CEP112: variants seen among roughly 807,000 people sequenced by gnomAD.
CEP112 encodes the protein centrosomal protein 112.
Under a neutral mutation model 153.0 loss-of-function variants are expected in CEP112, and 127 were observed. The ratio of observed to expected loss-of-function variants is 0.83; its 90% CI spans 0.72 to 0.96. The LOEUF is 0.96. Ranked by LOEUF, CEP112 falls within the 40% of genes least tolerant of loss-of-function variation. The pLI is 0.00. For synonymous variants in CEP112, 358 were observed against 374.4 expected (o/e 0.96, Z 0.51); for missense variants, 1,089 against 1,101.2 (o/e 0.99, Z 0.16).
chr17:65,706,056 G>A (rs2048897589), intron 23 of CEP112, among the ~76,000 whole-genome samples: 1 of 152,198 alleles, frequency 6.6e-6, no homozygotes, highest in South Asian at 2.1e-4. Context: ...GTTACTGAAG[G>A]TGGGTGACAA....
At chr17:65,787,871 T>C (rs1002997861) in intron 21 of CEP112, among the ~76,000 whole-genome samples, 2 of 152,202 alleles carry the variant, frequency 1.3e-5, no homozygotes, top group Admixed American at 6.5e-5. Context: ...GTGAATAATA[T>C]CAGGTTGCTT....
intron 18 of CEP112, among the ~76,000 whole-genome samples, chr17:65,937,674 T>C (rs1599076807): frequency 1.1e-5 from 1 of 94,090 alleles, no homozygotes; most frequent in Non-Finnish European, 2.1e-5. Context: ...GGGGCGCCTC[T>C]GCCCGGCCGC....
At chr17:65,736,324 G>GC (rs1754957814) in intron 23 of CEP112, among the ~76,000 whole-genome samples, 1 of 152,142 alleles carries the variant, frequency 6.6e-6, no homozygotes, top group Admixed American at 6.6e-5. Context: ...AGAAGAGCAG[G>GC]CTGGGGCTGG....
At chr17:65,856,657 C>T (rs565722612) in intron 20 of CEP112, among the ~76,000 whole-genome samples, 5 of 152,202 alleles carry the variant, frequency 3.3e-5, no homozygotes, top group Non-Finnish European at 5.9e-5. Flanking sequence ...GGATATATTG[C>T]ATAGTGGTAA....
At chr17:65,661,752 A>C (rs1242827663) in intron 24 of CEP112, 1 of 152,156 alleles carries the variant, frequency 6.6e-6, no homozygotes, top group Non-Finnish European at 1.5e-5. Context: ...TGTAGGCTGG[A>C]GTTTGCATGA....
At chr17:66,059,795 G>T (rs1889560868) in intron 11 of CEP112, among the ~76,000 whole-genome samples, 1 of 151,986 alleles carries the variant, frequency 6.6e-6, no homozygotes, top group Admixed American at 6.6e-5. Context: ...CCCATTACTG[G>T]GTATATACCC....
intron 24 of CEP112, among the ~76,000 whole-genome samples, chr17:65,674,134 G>C (rs1227440894): frequency 6.6e-6 from 1 of 152,160 alleles, no homozygotes; most frequent in Non-Finnish European, 1.5e-5. Flanking sequence ...GCCTCCCAAA[G>C]TGCTGGGATT....
At chr17:65,785,406 T>C (rs911392722) in intron 21 of CEP112, among the ~76,000 whole-genome samples, 15 of 152,230 alleles carry the variant, frequency 9.9e-5, no homozygotes, top group African/African-American at 3.6e-4. Flanking sequence ...TTTTCCAAAA[T>C]GACTGCACCA....
At chr17:66,116,863 C>CT (rs35885142) in intron 6 of CEP112, among the ~76,000 whole-genome samples, 42,404 of 119,154 alleles carry the variant, frequency 0.36, 9,451 homozygotes, top group East Asian at 0.85. Flanking sequence ...CTCCAATCTC[C>CT]TTTTTTTTTT....
rs62065697 is a variant in CEP112 at position 65,642,025 on chromosome 17, C to T, written c.2698-960G>A. The stretch of plus-strand genomic sequence containing the variant: ...TTGGTGGCTCATCCCATTCATCTCT[C>T]TCAAGGCTAAAGGAGTGAGTGAGAG... On this transcript the variant is annotated intron_variant, in intron 24 of 26. Coordinates refer to ENST00000535342, the MANE Select transcript of CEP112 (RefSeq NM_001199165.4). 6.0e-3 allele frequency among the ~76,000 whole-genome samples: 916 copies of T among 152,318 alleles called. 11 individuals are homozygous for T. Among genetic ancestry groups the T allele is most frequent in the Middle Eastern group, 0.01 (3 of 294 alleles).
intron 4 of CEP112, among the ~76,000 whole-genome samples, chr17:66,166,347 A>G (rs1403865057): frequency 1.3e-5 from 2 of 152,152 alleles, no homozygotes; most frequent in African/African-American, 4.8e-5. Context: ...CTTTTAATCA[A>G]AGTTTTCAGT....
At chr17:66,164,612 C>G (rs899118305) in intron 4 of CEP112, among the ~76,000 whole-genome samples, 1 of 146,298 alleles carries the variant, frequency 6.8e-6, no homozygotes, top group Admixed American at 6.9e-5. Context: ...AATCCCAGCA[C>G]TTTGGGAGGC....
At chr17:66,176,736 C>A (rs2072492116) in intron 3 of CEP112, 94 bp downstream of exon 3, 1 of 913,482 alleles carries the variant, frequency 1.1e-6, no homozygotes, top group Non-Finnish European at 1.6e-6. Flanking sequence ...CTAGCACATA[C>A]AACCTAATAG....
chr17:66,143,581 G>A (rs1038068570), intron 4 of CEP112, among the ~76,000 whole-genome samples: 2 of 152,210 alleles, frequency 1.3e-5, no homozygotes, highest in African/African-American at 4.8e-5. Flanking sequence ...TGAATACGGT[G>A]TTTGTCTAAT....
intron 17 of CEP112, among the ~76,000 whole-genome samples, chr17:65,992,606 A>G (rs962926679): frequency 5.3e-5 from 8 of 152,158 alleles, no homozygotes; most frequent in African/African-American, 1.9e-4. Flanking sequence ...TTAGGTACAG[A>G]AATCTTTATG....
chr17:66,158,016 C>A (rs2071523687), intron 4 of CEP112, among the ~76,000 whole-genome samples: 2 of 152,132 alleles, frequency 1.3e-5, no homozygotes, highest in African/African-American at 4.8e-5. Flanking sequence ...AGGACTTGAA[C>A]TCAGCTCTGG....
In CEP112 at chr17:65,851,847, A is replaced by C. The variant is rs2057943092; in HGVS notation, c.2351T>G (p.Leu784Arg). The change falls in exon 21 of 27, where the codon CTG becomes CGG. Residue 784 changes from leucine (L) to arginine (R), a missense_variant. Transcript: ENST00000535342. ...TGTCTCAGCAGCATGAGTCTTTTTC[A>C]GCTCTATTTTCATCTTTTCTGATTC... ...KAESEKMKIE[L>R]KKTHAAETEM... The C allele has an allele frequency of 6.2e-7, 1 of 1,613,892 alleles. No individual in the cohort carries two copies.
intron 20 of CEP112, among the ~76,000 whole-genome samples, chr17:65,858,370 A>G (rs2146363628): frequency 6.6e-6 from 1 of 152,268 alleles, no homozygotes; most frequent in African/African-American, 2.4e-5. Flanking sequence ...AACTGTTTTT[A>G]AAATTTGCTT....
chr17:65,826,075 A>G, intron 21 of CEP112: 1 of 1,528,962 alleles, frequency 6.5e-7, no homozygotes, highest in Non-Finnish European at 9.0e-7. Context: ...TCAGCTCAGC[A>G]ATGAGATTTA....
Sources: gnomAD v4.1 joint callset for allele counts (sites outside exome capture counted in the v4.1 genomes callset) on GRCh38, gnomAD v4.1.1 for gene constraint, MANE v1.5 for transcripts, NCBI Gene and HGNC (gene_info 2026-07-23, HGNC 2026-07-21) for gene names.